The following SOS2 variants were observed in gnomAD, a reference collection of about 807,000 sequenced individuals.
SOS2 encodes SOS Ras/Rho guanine nucleotide exchange factor 2.
SOS2 carries 65 observed loss-of-function variants against 148.2 expected under a neutral mutation model. The observed-to-expected ratio is 0.44, with a 90% CI of 0.36 to 0.54. SOS2 has a LOEUF of 0.54. Among genes scored for constraint, SOS2 ranks in the 20% least tolerant of loss-of-function variants. The pLI is 0.00. For synonymous variants in SOS2, 539 were observed against 537.1 expected, an observed-to-expected ratio of 1.00 and a Z score of -0.05; for missense variants, 1,341 against 1,590.2, an observed-to-expected ratio of 0.84 and a Z score of 2.67.
At chr14:50,199,080 G>C (rs1284819941) in intron 4 of SOS2, among the ~76,000 whole-genome samples, 4 of 152,184 alleles carry the variant, frequency 2.6e-5, no homozygotes, top group African/African-American at 9.7e-5. Flanking sequence ...TTGAGCCAGG[G>C]AGGCAAAGTT....
intron 13 of SOS2, among the ~76,000 whole-genome samples, chr14:50,151,535 C>T (rs1352007143): frequency 6.6e-6 from 1 of 152,128 alleles, no homozygotes; most frequent in African/African-American, 2.4e-5. Flanking sequence ...TCTTCACTTA[C>T]TAGCTGAAAT....
chr14:50,164,143 T>TA (rs1594984324), intron 8 of SOS2, among the ~76,000 whole-genome samples: 1 of 152,114 alleles, frequency 6.6e-6, no homozygotes, highest in East Asian at 1.9e-4. Flanking sequence ...CCAAACATCT[T>TA]ACACAGAAAT....
rs191667100 is a variant in SOS2, at chr14:50,173,529, C to A, written c.1068+925G>T. Among the ~76,000 whole-genome samples the A allele has an allele frequency of 4.7e-4, 72 of 152,230 alleles. 2 individuals carry two copies. Among genetic ancestry groups the A allele is most frequent in the African/African-American group, 1.7e-3 (71 of 41,550 alleles). On this transcript the variant is annotated intron_variant, in intron 8 of 22. Transcript: ENST00000216373. Reference sequence around the variant, plus strand: ...CTCCGTCTCCCGGGTTCACACCATTCTCCTGCCTCAGCCTCCCAAGTAGCT... The same window carrying A: ...CTCCGTCTCCCGGGTTCACACCATTATCCTGCCTCAGCCTCCCAAGTAGCT...
chr14:50,187,319 A>AATTATT (rs200578700), intron 5 of SOS2, among the ~76,000 whole-genome samples: 2 of 148,192 alleles, frequency 1.3e-5, no homozygotes, highest in Admixed American at 6.8e-5. Flanking sequence ...GGCCAAGACT[A>AATTATT]ATTATTATTA....
intron 1 of SOS2, among the ~76,000 whole-genome samples, chr14:50,225,093 G>T (rs1887328228): frequency 6.6e-6 from 1 of 152,004 alleles, no homozygotes; most frequent in African/African-American, 2.4e-5. Flanking sequence ...AAAAAACTTT[G>T]TACTAGCATA....
intron 8 of SOS2, among the ~76,000 whole-genome samples, chr14:50,165,100 C>T (rs1009568857): frequency 6.6e-6 from 1 of 152,136 alleles, no homozygotes; most frequent in African/African-American, 2.4e-5. Context: ...CAAATAGTAT[C>T]ATTCTCCTTT....
chr14:50,121,526 GGGGGA>G (rs1305217147), intron 21 of SOS2, among the ~76,000 whole-genome samples: 1,550 of 23,126 alleles, frequency 0.067, 255 homozygotes, highest in African/African-American at 0.24. Context: ...GTTACTTCCT[GGGGGA>G]GGGGGGGGAG....
At chr14:50,220,794 A>C (rs1407314592) in intron 1 of SOS2, among the ~76,000 whole-genome samples, 1 of 152,210 alleles carries the variant, frequency 6.6e-6, no homozygotes, top group Non-Finnish European at 1.5e-5. Context: ...AATATAATCA[A>C]ATATGTAAAA....
chr14:50,176,091 C>T, intron 7 of SOS2, among the ~76,000 whole-genome samples: 1 of 152,164 alleles, frequency 6.6e-6, no homozygotes, highest in East Asian at 1.9e-4. Context: ...GAGGGCAGAG[C>T]CCCTGTGAAC....
At chr14:50,230,595 C>T (rs1001328640) in intron 1 of SOS2, among the ~76,000 whole-genome samples, 6 of 152,198 alleles carry the variant, frequency 3.9e-5, no homozygotes, top group Admixed American at 3.3e-4. Flanking sequence ...ACTGAAGACA[C>T]TGACCAAATT....
chr14:50,193,605 T>C (rs891224536), intron 4 of SOS2, among the ~76,000 whole-genome samples: 1 of 152,162 alleles, frequency 6.6e-6, no homozygotes, highest in Non-Finnish European at 1.5e-5. Context: ...AGAAACCATA[T>C]ATTCAAATAA....
Position 50,134,234 on chromosome 14 carries a change from G to A in SOS2, c.2964C>T (p.Phe988=), listed in dbSNP as rs1286257787. 1 of 1,420,700 alleles carries A rather than the reference G, an allele frequency of 7.0e-7. No individual in the cohort carries two copies. 88.0% of individuals were successfully genotyped at this position (1,420,700 alleles called of 1,614,324 possible). The change falls in exon 19 of 23, where the codon TTC becomes TTT. Residue 988 remains phenylalanine (F), a synonymous_variant. Transcript: ENST00000216373. The part of the protein sequence containing the change: ...CLRIEPDMRR[F]FENLNPMGSA... ...TTCCCATGGGGTTAAGGTTTTCAAAGAATCTCTGGAATTAAACAAATAACA... is the reference window on the plus strand; with the variant it reads ...TTCCCATGGGGTTAAGGTTTTCAAAAAATCTCTGGAATTAAACAAATAACA...
At chr14:50,205,106 A>G (rs1393631846) in intron 1 of SOS2, among the ~76,000 whole-genome samples, 3 of 152,068 alleles carry the variant, frequency 2.0e-5, no homozygotes, top group African/African-American at 7.2e-5. Flanking sequence ...TTTTTGAGAC[A>G]GGGTCTCACT....
chr14:50,133,702 C>A (rs780897417), intron 19 of SOS2, among the ~76,000 whole-genome samples: 20 of 152,178 alleles, frequency 1.3e-4, no homozygotes, highest in Admixed American at 1.3e-4. Flanking sequence ...GAAATTGTAG[C>A]ATCAAATTCT....
intron 7 of SOS2, among the ~76,000 whole-genome samples, chr14:50,179,274 AATT>A (rs1885643966): frequency 6.6e-6 from 1 of 152,046 alleles, no homozygotes; most frequent in African/African-American, 2.4e-5. Context: ...CACTCTAGTT[AATT>A]ATTCTACTAG....
At chr14:50,178,666 GTGTGCATATATATATATATATATATATA>G (rs1170251105) in intron 7 of SOS2, among the ~76,000 whole-genome samples, 4 of 70,068 alleles carry the variant, frequency 5.7e-5, no homozygotes, top group African/African-American at 8.8e-5. Flanking sequence ...GTGTGTGTGT[GTGTGCATATATATATATATATATATATA>G]TATATATATA....
chr14:50,129,927 C>A (rs777063804), intron 21 of SOS2, 34 bp downstream of exon 21: 3 of 1,345,110 alleles, frequency 2.2e-6, no homozygotes, highest in South Asian at 1.3e-5. Context: ...TCTTTACAGT[C>A]ATTTCATTAA....
intron 8 of SOS2, among the ~76,000 whole-genome samples, chr14:50,166,993 A>G (rs1258589246): frequency 6.6e-6 from 1 of 152,136 alleles, no homozygotes; most frequent in Non-Finnish European, 1.5e-5. Context: ...GGATCACTTG[A>G]GGCCAGAAGT....
chr14:50,150,352 T>C (rs903622433), intron 13 of SOS2, 122 bp from the exon 14 acceptor site: 19 of 681,658 alleles, frequency 2.8e-5, no homozygotes, highest in Non-Finnish European at 4.9e-5. Flanking sequence ...ATTTTTATTT[T>C]CTCTAACCCT....
Sources: gnomAD v4.1 joint callset for allele counts (sites outside exome capture counted in the v4.1 genomes callset) on GRCh38, gnomAD v4.1.1 for gene constraint, MANE v1.5 for transcripts, NCBI Gene and HGNC (gene_info 2026-07-23, HGNC 2026-07-21) for gene names.